DHX29: variants seen among roughly 807,000 people sequenced by gnomAD.
DHX29 encodes the protein ATP-dependent RNA helicase DHX29.
DHX29 carries 79 observed loss-of-function variants against 167.9 expected under a neutral mutation model. The observed-to-expected ratio is 0.47, with a 90% CI of 0.39 to 0.57. DHX29 has a LOEUF of 0.57. Among genes scored for constraint, DHX29 ranks in the 20% least tolerant of loss-of-function variants. DHX29 has a pLI of 0.00. For missense variants in DHX29, 1,347 were observed against 1,593.4 expected, an observed-to-expected ratio of 0.85 and a Z score of 2.63; for synonymous variants, 530 against 546.0, an observed-to-expected ratio of 0.97 and a Z score of 0.41.
chr5:55,286,825 T>C (rs913285980), intron 8 of DHX29, among the ~76,000 whole-genome samples: 14 of 152,244 alleles, frequency 9.2e-5, no homozygotes, highest in African/African-American at 1.7e-4. Context: ...ATTTCCATCA[T>C]TGAAAATTCT....
chr5:55,257,790 T>C (rs1396148603), intron 26 of DHX29, among the ~76,000 whole-genome samples: 2 of 152,212 alleles, frequency 1.3e-5, no homozygotes, highest in Non-Finnish European at 2.9e-5. Flanking sequence ...CTCTCTCTTA[T>C]GGCAAAGGGA....
At chr5:55,267,985 TTAATA>T (rs1746667468) in intron 21 of DHX29, among the ~76,000 whole-genome samples, 163 bp from the exon 22 acceptor site, 1 of 152,178 alleles carries the variant, frequency 6.6e-6, no homozygotes, top group Non-Finnish European at 1.5e-5. Context: ...TAATTAATGT[TTAATA>T]TAAAATATTC....
chr5:55,306,987 A>G (rs1748900944), intron 1 of DHX29, among the ~76,000 whole-genome samples: 1 of 152,178 alleles, frequency 6.6e-6, no homozygotes, highest in Non-Finnish European at 1.5e-5. Context: ...GCTGAAAATG[A>G]TATGAAAAAC....
intron 13 of DHX29, 37 bp downstream of exon 13, chr5:55,277,069 A>G (rs772885621): frequency 6.8e-7 from 1 of 1,477,018 alleles, no homozygotes; most frequent in Admixed American, 1.9e-5. Context: ...GTGGGAATGC[A>G]GTTTCTGCTT....
intron 26 of DHX29, among the ~76,000 whole-genome samples, chr5:55,259,496 C>G (rs1446224732): frequency 2.0e-5 from 3 of 152,114 alleles, no homozygotes; most frequent in African/African-American, 7.2e-5. Flanking sequence ...CTCTTGTCGC[C>G]CAGGCTGGAG....
chr5:55,257,361 A>C (rs1746103145), intron 26 of DHX29, among the ~76,000 whole-genome samples: 1 of 152,198 alleles, frequency 6.6e-6, no homozygotes, highest in South Asian at 2.1e-4. Flanking sequence ...AAAAAGTGGG[A>C]GGGAGGGGAA....
intron 4 of DHX29, 35 bp from the exon 5 acceptor site, chr5:55,295,559 G>C (rs1748274632): frequency 1.3e-6 from 2 of 1,595,078 alleles, no homozygotes; most frequent in Non-Finnish European, 1.7e-6. Flanking sequence ...AAAATAAACA[G>C]GCATATGATA....
chr5:55,274,998 C>CTGG lies in DHX29; in HGVS notation c.2437_2439dup (p.Pro813dup). 3 of 1,612,324 alleles carry CTGG rather than the reference C, an allele frequency of 1.9e-6. No homozygotes were observed. The highest frequency in any genetic ancestry group is 2.5e-6 in the Non-Finnish European group (3 of 1,179,614). On this transcript the variant is annotated inframe_insertion, in exon 15 of 27. Transcript: ENST00000251636. ...AAATCAGCATGTGCTCCAGTCTGAA[C>CTGG]TGGGATGTATTCCTAAAAGAAATCC... is the stretch of plus-strand genomic sequence containing the variant.
chr5:55,275,653 T>C (rs776825985), intron 14 of DHX29, among the ~76,000 whole-genome samples: 3 of 152,156 alleles, frequency 2.0e-5, no homozygotes, highest in African/African-American at 7.2e-5. Context: ...GATAACATTG[T>C]TTTTGTGATA....
chr5:55,261,585 C>A, intron 24 of DHX29, 86 bp from the exon 25 acceptor site: 1 of 843,300 alleles, frequency 1.2e-6, no homozygotes, highest in Admixed American at 2.4e-5. Flanking sequence ...CATTTTTCTA[C>A]AATTTGTTAT....
At position 55,263,493 on chromosome 5, in the gene DHX29, C is replaced by T. The variant is rs73755371; in HGVS notation, c.3526-561G>A. Among the ~76,000 whole-genome samples, 439 of 152,112 alleles carry T rather than the reference C, an allele frequency of 2.9e-3. 1 individual carries two copies. Among genetic ancestry groups the T allele is most frequent in the African/African-American group, 0.01 (420 of 41,520 alleles). On this transcript the variant is annotated intron_variant, in intron 23 of 26. Transcript: ENST00000251636. ...GGAAGGGTGGGCATTTTTCAAAGTA[C>T]ACAGGATACAAGCAATTAAAAGGTG...
intron 8 of DHX29, among the ~76,000 whole-genome samples, chr5:55,287,580 A>AT (rs202025898): frequency 1.3e-5 from 2 of 151,854 alleles, no homozygotes; most frequent in African/African-American, 2.4e-5. Context: ...TTAACTCAGA[A>AT]TTTTTTTTTA....
intron 23 of DHX29, 72 bp from the exon 24 acceptor site, chr5:55,263,004 A>G (rs1348195324): frequency 8.8e-7 from 1 of 1,136,504 alleles, no homozygotes; most frequent in African/African-American, 1.6e-5. Context: ...ATTGTAGTTT[A>G]TATTACTGCT....
At chr5:55,305,942 T>C (rs1748837997) in intron 1 of DHX29, among the ~76,000 whole-genome samples, 1 of 152,112 alleles carries the variant, frequency 6.6e-6, no homozygotes, top group Admixed American at 6.5e-5. Context: ...CTGTCAAGGA[T>C]TGACACCTTG....
chr5:55,299,397 C>T (rs1054862321), intron 1 of DHX29, among the ~76,000 whole-genome samples: 7 of 152,040 alleles, frequency 4.6e-5, no homozygotes, highest in Non-Finnish European at 1.0e-4. Flanking sequence ...GGTGGGAGTT[C>T]CTATCATCTT....
In DHX29 at chr5:55,272,073, A is replaced by C; in HGVS notation, c.2864+14T>G. 6.8e-7 allele frequency: 1 copy of C among 1,469,608 alleles called. No individual in the cohort carries two copies. The highest frequency in any genetic ancestry group is 9.3e-7 in the Non-Finnish European group (1 of 1,070,176). 91.0% of individuals were successfully genotyped at this position (1,469,608 alleles called of 1,614,324 possible). ...CAGGTTAAAAATGTTTTGATTTGGG[A>C]AATTTAAACTTACTTATTTTCTTTT... On this transcript the variant is annotated intron_variant, in intron 18 of 26. Coordinates refer to ENST00000251636, the MANE Select transcript of DHX29 (RefSeq NM_019030.4).
rs148127406 is a variant in DHX29 at position 55,287,677 on chromosome 5, G to A, written c.1066+1593C>T. 1.7e-3 allele frequency among the ~76,000 whole-genome samples: 261 copies of A among 152,014 alleles called. 1 individual carries two copies. Among genetic ancestry groups the A allele is most frequent in the African/African-American group, 5.9e-3 (243 of 41,492 alleles). ...AAAACTATAATGTGTGGCCAGATGC[G>A]GTGGCTCATGCCTGTAATCCCAGCA... On this transcript the variant is annotated intron_variant, in intron 8 of 26. Coordinates refer to ENST00000251636, the MANE Select transcript of DHX29 (RefSeq NM_019030.4).
intron 23 of DHX29, among the ~76,000 whole-genome samples, chr5:55,266,092 C>T (rs916629543): frequency 2.6e-5 from 4 of 151,768 alleles, no homozygotes; most frequent in Admixed American, 6.6e-5. Flanking sequence ...CTCTGCCTCC[C>T]GGGTGCAAGC....
intron 5 of DHX29, among the ~76,000 whole-genome samples, chr5:55,294,376 T>C (rs1748199854): frequency 6.6e-6 from 1 of 152,214 alleles, no homozygotes. Flanking sequence ...AAAGGAGAAC[T>C]GTTAAAAACT....
Sources: gnomAD v4.1 joint callset for allele counts (sites outside exome capture counted in the v4.1 genomes callset) on GRCh38, gnomAD v4.1.1 for gene constraint, MANE v1.5 for transcripts, NCBI Gene and HGNC (gene_info 2026-07-23, HGNC 2026-07-21) for gene names.